Variants in ABCB5 observed in about 807,000 individuals in gnomAD.
ABCB5 encodes ATP-binding cassette sub-family B member 5.
Under a neutral mutation model 144.2 loss-of-function variants are expected in ABCB5, and 155 were observed. The ratio of observed to expected loss-of-function variants is 1.08; its 90% CI spans 0.94 to 1.23. ABCB5 has a LOEUF of 1.23. Ranked by LOEUF, ABCB5 falls within the 50% of genes most tolerant of loss-of-function variation. The probability of loss-of-function intolerance (pLI) is 0.00; values close to 1 mark genes in which losing one functional copy is unlikely to be tolerated. For synonymous variants in ABCB5, 610 were observed against 528.6 expected (o/e 1.15, Z -2.11); for missense variants, 1,830 against 1,520.8 (o/e 1.20, Z -3.38).
At chr7:20,656,906 C>CTT (rs1562543053) in intron 13 of ABCB5, among the ~76,000 whole-genome samples, 7 of 135,736 alleles carry the variant, frequency 5.2e-5, no homozygotes, top group African/African-American at 8.4e-5. Flanking sequence ...TTTCTTTTTC[C>CTT]TTTTTCTTTT....
chr7:20,698,195 A>AG (rs201297534), intron 16 of ABCB5, among the ~76,000 whole-genome samples: 1,922 of 152,332 alleles, frequency 0.013, 39 homozygotes, highest in African/African-American at 0.043. Context: ...GATATTGCAC[A>AG]AATAGTCACT....
chr7:20,649,422 G>A (rs1247938828), intron 11 of ABCB5, among the ~76,000 whole-genome samples: 1 of 152,128 alleles, frequency 6.6e-6, no homozygotes. Context: ...TTTCGAGAGG[G>A]TAATTATTGT....
chr7:20,658,952 T>A (rs1784905311), intron 14 of ABCB5: 1 of 1,254,124 alleles, frequency 8.0e-7, no homozygotes, highest in Non-Finnish European at 1.2e-6. Context: ...GGTTTGCACT[T>A]TCCACCTCCC....
chr7:20,672,872 A>G (rs13240297), intron 14 of ABCB5, among the ~76,000 whole-genome samples: 40,824 of 152,004 alleles, frequency 0.27, 6,589 homozygotes, highest in South Asian at 0.38. Flanking sequence ...TGTTGACTCC[A>G]TTGCGTCATA....
intron 7 of ABCB5, 48 bp downstream of exon 7, chr7:20,643,680 C>G: frequency 1.9e-6 from 3 of 1,590,982 alleles, no homozygotes; most frequent in Non-Finnish European, 2.6e-6. Flanking sequence ...GCAGTGTGGA[C>G]TAAATGACTC....
At chr7:20,715,595 A>C (rs1316495216) in intron 20 of ABCB5, among the ~76,000 whole-genome samples, 2 of 151,976 alleles carry the variant, frequency 1.3e-5, no homozygotes, top group Admixed American at 6.6e-5. Flanking sequence ...TTTTATGTAG[A>C]GACAGAGTCT....
chr7:20,743,788 C>T (rs1006025777), intron 25 of ABCB5, among the ~76,000 whole-genome samples: 1 of 152,112 alleles, frequency 6.6e-6, no homozygotes, highest in African/African-American at 2.4e-5. Flanking sequence ...TCTTTTCGCC[C>T]TTACAGATTC....
At position 20,647,977 on chromosome 7, in the gene ABCB5, A is replaced by G. The variant is rs58976125; in HGVS notation, c.1105A>G (p.Ile369Val). The stretch of plus-strand genomic sequence containing the variant: ...CCTTTGTTTTTCCAAGAAACCCAGT[A>G]TAGATAACTTTTCCACAGCTGGATA... ...IFQVIDKKPS[I>V]DNFSTAGYKP... The change falls in exon 11 of 28, where the codon ATA becomes GTA. Residue 369 changes from isoleucine to valine, a missense_variant. Transcript: ENST00000404938. 3,903 of 1,591,768 alleles carry G rather than the reference A, an allele frequency of 2.5e-3. 70 individuals are homozygous for G. In the African/African-American group the frequency reaches 0.043, roughly 18 times the overall value.
At chr7:20,685,484 A>G (rs1330962325) in intron 15 of ABCB5, among the ~76,000 whole-genome samples, 1 of 152,210 alleles carries the variant, frequency 6.6e-6, no homozygotes, top group Admixed American at 6.5e-5. Flanking sequence ...TTGGAAAAGA[A>G]AGGACAATGA....
intron 26 of ABCB5, among the ~76,000 whole-genome samples, chr7:20,752,908 A>G (rs182925969): frequency 3.1e-4 from 47 of 152,350 alleles, no homozygotes; most frequent in African/African-American, 1.1e-3. Context: ...TGAGACTCCT[A>G]TCCCAGCATC....
chr7:20,712,520 G>A (rs111826952), intron 20 of ABCB5, among the ~76,000 whole-genome samples: 3,690 of 149,308 alleles, frequency 0.025, 363 homozygotes, highest in African/African-American at 0.082. Flanking sequence ...ATATTAGGCT[G>A]CCTGAAGTTT....
In ABCB5 at chr7:20,704,704, T is replaced by A. The variant is rs112074750; in HGVS notation, c.2338-20T>A. On this transcript the variant is annotated intron_variant, in intron 19 of 27. Coordinates refer to ENST00000404938, the MANE Select transcript of ABCB5 (RefSeq NM_001163941.2). ...AAAAATGATTTTTGACAACCATATG[T>A]TAATTCTCCTTTTCTCTAGGATATT... 8.1e-6 allele frequency: 13 copies of A among 1,602,054 alleles called. No homozygotes were observed. In the Middle Eastern group the frequency reaches 2.0e-3, roughly 248 times the overall value.
intron 14 of ABCB5, among the ~76,000 whole-genome samples, chr7:20,672,750 T>C (rs565111275): frequency 1.1e-4 from 16 of 152,286 alleles, no homozygotes; most frequent in African/African-American, 3.8e-4. Flanking sequence ...GCATATAGAC[T>C]TCCAGTTGGT....
intron 17 of ABCB5, 62 bp from the exon 18 acceptor site, chr7:20,699,763 C>T: frequency 8.8e-7 from 1 of 1,139,864 alleles, no homozygotes; most frequent in African/African-American, 1.6e-5. Flanking sequence ...CAGAAATTTT[C>T]ACTTTTTCTG....
intron 26 of ABCB5, among the ~76,000 whole-genome samples, chr7:20,751,761 G>A (rs1306514605): frequency 6.6e-6 from 1 of 152,190 alleles, no homozygotes; most frequent in Non-Finnish European, 1.5e-5. Flanking sequence ...GGCAGACACA[G>A]TTTTATCTAT....
At chr7:20,693,576 CA>C in intron 16 of ABCB5, among the ~76,000 whole-genome samples, 1 of 152,136 alleles carries the variant, frequency 6.6e-6, no homozygotes, top group East Asian at 1.9e-4. Context: ...CTGAACATAT[CA>C]AAATGTATAG....
chr7:20,628,785 T>G lies in ABCB5; in HGVS notation c.206T>G (p.Leu69Ter). The G allele has an allele frequency of 5.6e-6, 9 of 1,613,818 alleles. No homozygotes were observed. Among genetic ancestry groups the G allele is most frequent in the Non-Finnish European group, 7.6e-6 (9 of 1,179,828 alleles). ...GACLPLMPLV[L>*]GEMSDNLISG... ...TGCCTTCCTTTAATGCCACTGGTTTTAGGAGAAATGAGTGATAACCTTATT... is the reference window on the plus strand; with the variant it reads ...TGCCTTCCTTTAATGCCACTGGTTTGAGGAGAAATGAGTGATAACCTTATT... The change falls in exon 4 of 28, where the codon TTA becomes TGA. Residue 69 changes from leucine to a stop codon, truncating the protein, a stop_gained. Transcript: ENST00000404938. LOFTEE classifies it high-confidence loss of function.
chr7:20,625,888 G>A (rs1449170061), intron 2 of ABCB5, among the ~76,000 whole-genome samples: 1 of 152,166 alleles, frequency 6.6e-6, no homozygotes, highest in East Asian at 1.9e-4. Context: ...CCAAAATGTG[G>A]AAGCAGTCTA....
chr7:20,669,054 A>G (rs1785354976), intron 14 of ABCB5, among the ~76,000 whole-genome samples: 1 of 138,086 alleles, frequency 7.2e-6, no homozygotes, highest in Admixed American at 7.2e-5. Flanking sequence ...CCTACTGGGA[A>G]GTGAGGAGCC....
Sources: allele counts gnomAD v4.1 joint callset (sites outside exome capture counted in the v4.1 genomes callset), GRCh38; gene constraint gnomAD v4.1.1; transcripts MANE v1.5; gene names NCBI Gene and HGNC (gene_info 2026-07-23, HGNC 2026-07-21).